Variants in CADPS2 observed in about 807,000 individuals in gnomAD.
CADPS2 encodes the protein calcium dependent secretion activator 2.
A neutral mutation model predicts 172.5 loss-of-function variants in CADPS2; 93 were observed. The observed-to-expected ratio is 0.54, with a 90% CI of 0.46 to 0.64. The LOEUF (loss-of-function observed/expected upper bound fraction) is 0.64. Ranked by LOEUF, CADPS2 falls within the 30% of genes least tolerant of loss-of-function variation. CADPS2 has a pLI of 0.00. For missense variants in CADPS2, 1,420 were observed against 1,565.9 expected, an observed-to-expected ratio of 0.91 and a Z score of 1.57; for synonymous variants, 546 against 555.2, an observed-to-expected ratio of 0.98 and a Z score of 0.23.
chr7:122,876,509 G>A (rs1184089654), intron 1 of CADPS2, among the ~76,000 whole-genome samples: 2 of 151,966 alleles, frequency 1.3e-5, no homozygotes, highest in African/African-American at 4.8e-5. Context: ...ACACAGGCAT[G>A]AGTCGCCATG....
chr7:122,855,536 C>T (rs1199879465), intron 1 of CADPS2, among the ~76,000 whole-genome samples: 1 of 152,038 alleles, frequency 6.6e-6, no homozygotes, highest in African/African-American at 2.4e-5. Flanking sequence ...GGTAGGATGT[C>T]ATGGGGAGTC....
chr7:122,574,553 A>G (rs757123291), intron 7 of CADPS2, among the ~76,000 whole-genome samples: 17 of 151,592 alleles, frequency 1.1e-4, no homozygotes, highest in Non-Finnish European at 2.4e-4. Context: ...ACCAGTGCTA[A>G]TAACAGGCCT....
chr7:122,723,073 A>C (rs1420297880), intron 2 of CADPS2, among the ~76,000 whole-genome samples: 2 of 152,178 alleles, frequency 1.3e-5, no homozygotes, highest in Non-Finnish European at 2.9e-5. Flanking sequence ...AAACCATAAA[A>C]ACCCTAGAAG....
chr7:122,592,914 C>T (rs973750261), intron 6 of CADPS2, among the ~76,000 whole-genome samples: 1 of 151,630 alleles, frequency 6.6e-6, no homozygotes, highest in African/African-American at 2.4e-5. Context: ...GTGCAGCACA[C>T]CAACATGGCA....
At chr7:122,578,277 A>G (rs773080549) in intron 7 of CADPS2, among the ~76,000 whole-genome samples, 2 of 152,030 alleles carry the variant, frequency 1.3e-5, no homozygotes, top group Non-Finnish European at 2.9e-5. Context: ...ACGAACACCA[A>G]TTTTTTCCAA....
At chr7:122,623,708 A>C (rs2075815963) in intron 4 of CADPS2, among the ~76,000 whole-genome samples, 1 of 152,100 alleles carries the variant, frequency 6.6e-6, no homozygotes, top group Non-Finnish European at 1.5e-5. Context: ...TTAACACCTA[A>C]CTTGTTTGCT....
At chr7:122,695,366 C>T (rs2084935744) in intron 2 of CADPS2, among the ~76,000 whole-genome samples, 1 of 152,120 alleles carries the variant, frequency 6.6e-6, no homozygotes, top group Admixed American at 6.5e-5. Flanking sequence ...GATATGTTTG[C>T]ATCACTAGGT....
chr7:122,344,462 A>C (rs2037262066), intron 28 of CADPS2, among the ~76,000 whole-genome samples: 1 of 152,220 alleles, frequency 6.6e-6, no homozygotes, highest in African/African-American at 2.4e-5. Context: ...TAAATGAAAC[A>C]TGACGATCAC....
chr7:122,839,854 T>C (rs550892744), intron 1 of CADPS2, among the ~76,000 whole-genome samples: 2 of 152,296 alleles, frequency 1.3e-5, no homozygotes, highest in South Asian at 4.1e-4. Flanking sequence ...GGTTCAACCA[T>C]TGTGGAAGAC....
intron 25 of CADPS2, chr7:122,367,995 T>C (rs1323728722): frequency 6.6e-6 from 1 of 152,338 alleles, no homozygotes; most frequent in Non-Finnish European, 1.5e-5. Context: ...CTGACTCTTT[T>C]CTTTTGCCAT....
At chr7:122,499,503 T>C (rs1366914821) in intron 9 of CADPS2, among the ~76,000 whole-genome samples, 2 of 152,220 alleles carry the variant, frequency 1.3e-5, no homozygotes, top group South Asian at 2.1e-4. Flanking sequence ...TCGGCATTTC[T>C]AGGTATTGGC....
rs184031880 is a variant in CADPS2 at position 122,640,659 on chromosome 7, C to T, written c.787-11331G>A. 4.6e-5 allele frequency among the ~76,000 whole-genome samples: 7 copies of T among 152,168 alleles called. No individual in the cohort carries two copies. In the East Asian group the frequency reaches 1.2e-3, roughly 25 times the overall value. ...AAAAAAAAATATTGTTGGCTGGGCG[C>T]GGTGGCTCACGCCTCTAATCCCAGC... On this transcript the variant is annotated intron_variant, in intron 3 of 29. Coordinates refer to ENST00000449022, the MANE Select transcript of CADPS2 (RefSeq NM_017954.11).
At chr7:122,688,558 C>A (rs891749502) in intron 2 of CADPS2, among the ~76,000 whole-genome samples, 1 of 152,138 alleles carries the variant, frequency 6.6e-6, no homozygotes, top group Non-Finnish European at 1.5e-5. Flanking sequence ...TTAGAGTGTC[C>A]GCTCTGTCTC....
chr7:122,447,642 C>T (rs962928613), intron 15 of CADPS2, among the ~76,000 whole-genome samples: 1 of 148,108 alleles, frequency 6.8e-6, no homozygotes, highest in African/African-American at 2.5e-5. Context: ...CAGCCTCTGC[C>T]TCCTAGGTTC....
At chr7:122,521,162 T>G (rs2060756126) in intron 8 of CADPS2, among the ~76,000 whole-genome samples, 1 of 152,130 alleles carries the variant, frequency 6.6e-6, no homozygotes, top group South Asian at 2.1e-4. Flanking sequence ...AAAGAGCAAT[T>G]AATGCAGGCT....
intron 25 of CADPS2, among the ~76,000 whole-genome samples, chr7:122,363,322 G>A (rs2151163563): frequency 6.6e-6 from 1 of 152,292 alleles, no homozygotes; most frequent in South Asian, 2.1e-4. Flanking sequence ...ATGGTTACTA[G>A]ACAGCTTGAA....
chr7:122,356,160 T>C (rs2039375946), intron 27 of CADPS2, among the ~76,000 whole-genome samples: 1 of 152,206 alleles, frequency 6.6e-6, no homozygotes, highest in Non-Finnish European at 1.5e-5. Context: ...TCATTCAGGA[T>C]ACCACGTTAC....
chr7:122,617,840 G>A (rs1286806869), intron 5 of CADPS2, among the ~76,000 whole-genome samples: 3 of 152,082 alleles, frequency 2.0e-5, no homozygotes, highest in East Asian at 3.9e-4. Flanking sequence ...TCAGGAGATC[G>A]AGACCATCCT....
At chr7:122,728,406 G>A (rs923303505) in intron 2 of CADPS2, among the ~76,000 whole-genome samples, 30 of 151,848 alleles carry the variant, frequency 2.0e-4, no homozygotes, top group African/African-American at 7.0e-4. Context: ...AAGTGAAATG[G>A]AATGATACCA....
Sources: gnomAD v4.1 joint callset for allele counts (sites outside exome capture counted in the v4.1 genomes callset) on GRCh38, gnomAD v4.1.1 for gene constraint, MANE v1.5 for transcripts, NCBI Gene and HGNC (gene_info 2026-07-23, HGNC 2026-07-21) for gene names.